Variants in CSMD1 observed in about 807,000 individuals in gnomAD.
The protein encoded by CSMD1 is CUB and Sushi multiple domains 1.
Under a neutral mutation model 417.5 loss-of-function variants are expected in CSMD1, and 213 were observed. That is an observed-to-expected ratio of 0.51 (90% CI 0.46 to 0.57). The LOEUF (loss-of-function observed/expected upper bound fraction) is 0.57, where lower values mean the gene tolerates loss of function less well. Among genes scored for constraint, CSMD1 ranks in the 20% least tolerant of loss-of-function variants. The probability of loss-of-function intolerance (pLI) is 0.00; values close to 1 mark genes in which losing one functional copy is unlikely to be tolerated. For synonymous variants in CSMD1, 2,862 were observed against 1,736.8 expected (o/e 1.65, Z -16.11); for missense variants, 6,923 against 4,529.7 (o/e 1.53, Z -15.17).
chr8:4,404,841 G>A (rs1005219856), intron 3 of CSMD1, among the ~76,000 whole-genome samples: 5 of 152,026 alleles, frequency 3.3e-5, no homozygotes, highest in Admixed American at 1.3e-4. Flanking sequence ...AACAACAACA[G>A]GCCCTTACAC....
chr8:3,386,680 T>C lies in CSMD1; in HGVS notation c.2782+814A>G, dbSNP rs560350825. ...GATGTAAATGAAATATTTTTGCTTTTTCCATAGAAACAATGTGTTTTGGAA... is the reference window on the plus strand; with the variant it reads ...GATGTAAATGAAATATTTTTGCTTTCTCCATAGAAACAATGTGTTTTGGAA... On this transcript the variant is annotated intron_variant, in intron 18 of 69. Coordinates refer to ENST00000635120, the MANE Select transcript of CSMD1 (RefSeq NM_033225.6). Among the ~76,000 whole-genome samples, 3 of 152,348 alleles carry C rather than the reference T, an allele frequency of 2.0e-5. No homozygotes were observed. The South Asian group carries it at 6.2e-4, about 32-fold the overall frequency.
At chr8:4,087,546 T>C (rs116216008) in intron 3 of CSMD1, among the ~76,000 whole-genome samples, 6,195 of 152,270 alleles carry the variant, frequency 0.041, 274 homozygotes, top group African/African-American at 0.11. Flanking sequence ...AGGCTTTCCC[T>C]GGCTATAATT....
At chr8:3,347,867 C>A in intron 22 of CSMD1, 125 bp downstream of exon 22, 3 of 607,424 alleles carry the variant, frequency 4.9e-6, no homozygotes, top group Non-Finnish European at 7.8e-6. Flanking sequence ...TAAATAAATA[C>A]AAATAAATCA....
chr8:3,250,841 G>T (rs1446343600), intron 26 of CSMD1, among the ~76,000 whole-genome samples: 7 of 152,278 alleles, frequency 4.6e-5, no homozygotes, highest in Middle Eastern at 3.4e-3. Flanking sequence ...TCATGTGTCT[G>T]TTGGCTGCAT....
intron 3 of CSMD1, among the ~76,000 whole-genome samples, chr8:4,051,544 A>C (rs1165336390): frequency 6.6e-6 from 1 of 152,174 alleles, no homozygotes; most frequent in African/African-American, 2.4e-5. Flanking sequence ...TCAGCAGAGA[A>C]AAGCAACTCC....
rs921109030 is a variant in CSMD1 at position 3,113,766 on chromosome 8, A to G, written c.6431-3431T>C. On this transcript the variant is annotated intron_variant, in intron 42 of 69. Transcript: ENST00000635120. The stretch of plus-strand genomic sequence containing the variant: ...TCAGGTGTGAAGCCACAGCTCGAAG[A>G]TACCAGAAAATCAACTGGGGGGTTG... Among the ~76,000 whole-genome samples, 3 of 152,232 alleles carry G rather than the reference A, an allele frequency of 2.0e-5. No homozygotes were observed. In the East Asian group the frequency reaches 5.8e-4, roughly 29 times the overall value.
intron 18 of CSMD1, among the ~76,000 whole-genome samples, chr8:3,375,409 T>C (rs1235977299): frequency 6.6e-6 from 1 of 152,128 alleles, no homozygotes; most frequent in Non-Finnish European, 1.5e-5. Flanking sequence ...TTTTTTTCCA[T>C]CATTTTCTTG....
chr8:4,231,754 C>G (rs1172572218), intron 3 of CSMD1, among the ~76,000 whole-genome samples: 1 of 152,092 alleles, frequency 6.6e-6, no homozygotes, highest in South Asian at 2.1e-4. Flanking sequence ...AAGTAAATAA[C>G]ACTGTTGGCC....
At chr8:3,311,556 C>CT (rs1805348101) in intron 23 of CSMD1, among the ~76,000 whole-genome samples, 1 of 152,148 alleles carries the variant, frequency 6.6e-6, no homozygotes, top group Admixed American at 6.5e-5. Context: ...AGAGAGTCAA[C>CT]ACTTTCTTAC....
chr8:3,469,953 A>G (rs778128382), intron 11 of CSMD1, among the ~76,000 whole-genome samples: 2 of 152,204 alleles, frequency 1.3e-5, no homozygotes, highest in Non-Finnish European at 2.9e-5. Context: ...GCTTGTTTGA[A>G]GAGAGATTTT....
At chr8:4,645,723 G>C (rs922818883) in intron 1 of CSMD1, among the ~76,000 whole-genome samples, 1 of 152,010 alleles carries the variant, frequency 6.6e-6, no homozygotes, top group Non-Finnish European at 1.5e-5. Flanking sequence ...TTAGCTAGAG[G>C]GCCTCCTAAT....
chr8:3,710,830 T>G (rs894625623), intron 6 of CSMD1, among the ~76,000 whole-genome samples: 3 of 152,076 alleles, frequency 2.0e-5, no homozygotes, highest in African/African-American at 7.2e-5. Context: ...TATGCAGAAT[T>G]TGAACTGAAA....
intron 2 of CSMD1, among the ~76,000 whole-genome samples, chr8:4,426,846 C>A (rs1046962938): frequency 1.2e-4 from 18 of 150,562 alleles, no homozygotes; most frequent in Non-Finnish European, 1.9e-4. Context: ...ATATTATGTA[C>A]TATATTATAG....
At chr8:4,189,918 T>C (rs571032741) in intron 3 of CSMD1, among the ~76,000 whole-genome samples, 4 of 151,560 alleles carry the variant, frequency 2.6e-5, no homozygotes, top group Non-Finnish European at 4.4e-5. Context: ...TGTACTCTTT[T>C]GCATATTTTT....
At chr8:4,450,185 G>A (rs541579099) in intron 2 of CSMD1, among the ~76,000 whole-genome samples, 10 of 152,220 alleles carry the variant, frequency 6.6e-5, no homozygotes, top group African/African-American at 2.2e-4. Flanking sequence ...AAACCGAACT[G>A]GGCAACAATT....
intron 2 of CSMD1, among the ~76,000 whole-genome samples, chr8:4,441,639 T>C (rs1798489004): frequency 6.6e-6 from 1 of 152,294 alleles, no homozygotes; most frequent in Middle Eastern, 3.4e-3. Flanking sequence ...TATTTAATTT[T>C]ATTTCACAGA....
At chr8:4,191,980 G>A (rs182961338) in intron 3 of CSMD1, among the ~76,000 whole-genome samples, 37 of 152,198 alleles carry the variant, frequency 2.4e-4, no homozygotes, top group Admixed American at 1.6e-3. Flanking sequence ...AGAGGAACAC[G>A]TCCCTAAGGA....
chr8:3,753,964 GT>G lies in CSMD1; in HGVS notation c.896del (p.Asn299ThrfsTer13). ...WLRLHFTSDS[N>X]HRRKGFNAQF... ...GAGCGTTAAATCCTTTGCGTCGGTG[GT>G]TGCTGTCAGAGGTGAAATGGAGTCG... On this transcript the variant is annotated frameshift_variant, in exon 6 of 70. Coordinates refer to ENST00000635120, the MANE Select transcript of CSMD1 (RefSeq NM_033225.6). LOFTEE classifies it high-confidence loss of function. 1 of 1,612,964 alleles carries G rather than the reference GT, an allele frequency of 6.2e-7. No homozygotes were observed. The highest frequency in any genetic ancestry group is 8.5e-7 in the Non-Finnish European group (1 of 1,179,306).
At chr8:4,044,036 C>T (rs11342031) in intron 3 of CSMD1, among the ~76,000 whole-genome samples, 3 of 80,078 alleles carry the variant, frequency 3.7e-5, no homozygotes, top group South Asian at 3.4e-4. Context: ...TAAAAAAAAA[C>T]GCTGAATAAT....
Sources: allele counts gnomAD v4.1 joint callset (sites outside exome capture counted in the v4.1 genomes callset), GRCh38; gene constraint gnomAD v4.1.1; transcripts MANE v1.5; gene names NCBI Gene and HGNC (gene_info 2026-07-23, HGNC 2026-07-21).